Variants in SMARCA4 observed in about 807,000 individuals in gnomAD.
The protein encoded by SMARCA4 is SWI/SNF-related matrix-associated actin-dependent regulator of chromatin subfamily A member 4.
In SMARCA4, 31 loss-of-function variants were observed where a neutral mutation model predicts 193.9. The observed-to-expected ratio is 0.16, with a 90% CI of 0.12 to 0.22. The LOEUF is 0.22. Among genes scored for constraint, SMARCA4 ranks in the 10% least tolerant of loss-of-function variants. The pLI is 1.00. For synonymous variants in SMARCA4, 942 were observed against 933.1 expected, an observed-to-expected ratio of 1.01 and a Z score of -0.17; for missense variants, 1,148 against 2,296.0, an observed-to-expected ratio of 0.50 and a Z score of 10.22.
At chr19:10,968,805 A>T (rs917705094) in intron 1 of SMARCA4, among the ~76,000 whole-genome samples, 1 of 152,180 alleles carries the variant, frequency 6.6e-6, no homozygotes, top group African/African-American at 2.4e-5. Flanking sequence ...CGAAAGTCCC[A>T]GTAAAGGGGC....
intron 14 of SMARCA4, 140 bp downstream of exon 14, chr19:11,008,163 T>G: frequency 1.3e-6 from 1 of 784,556 alleles, no homozygotes; most frequent in Non-Finnish European, 2.2e-6. Context: ...AGAGACCAAA[T>G]TTATTTACTT....
intron 13 of SMARCA4, among the ~76,000 whole-genome samples, chr19:11,007,217 G>T (rs1301208702): frequency 6.6e-6 from 1 of 151,720 alleles, no homozygotes; most frequent in African/African-American, 2.4e-5. Context: ...GGATCACGAG[G>T]TCAGGAGTTC....
In SMARCA4 at chr19:10,995,247, A is replaced by G. The variant is rs1338211576; in HGVS notation, c.1593+246A>G. On this transcript the variant is annotated intron_variant, in intron 9 of 34. Coordinates refer to ENST00000344626, the MANE Select transcript of SMARCA4 (RefSeq NM_003072.5). ...GCCGGCTCCTCTGCCTTCTCTGGAAAATGGAGGTGGTGCCCCCTTCCCTCG... is the reference window on the plus strand; with the variant it reads ...GCCGGCTCCTCTGCCTTCTCTGGAAGATGGAGGTGGTGCCCCCTTCCCTCG... 9.3e-6 allele frequency: 6 copies of G among 643,222 alleles called. No individual in the cohort carries two copies. The East Asian group carries it at 1.9e-4, about 20-fold the overall frequency. The allele number at this position is 643,222 out of a possible 1,614,324, so 39.8% of individuals were successfully genotyped here. A position where few individuals can be genotyped will look rare whatever the true frequency, so the allele number is the denominator to read the frequency against.
At chr19:11,057,101 C>T (rs1452580587) in intron 30 of SMARCA4, among the ~76,000 whole-genome samples, 1 of 152,248 alleles carries the variant, frequency 6.6e-6, no homozygotes, top group Non-Finnish European at 1.5e-5. Flanking sequence ...CCGTTGGCCA[C>T]TTTTAGGCTT....
At chr19:10,989,563 C>T (rs954274115) in intron 7 of SMARCA4, 120 bp downstream of exon 7, 23 of 1,180,292 alleles carry the variant, frequency 1.9e-5, no homozygotes, top group Admixed American at 3.8e-5. Context: ...GAAAAGCAGC[C>T]GTGGCCATCC....
At chr19:11,032,857 T>C (rs1255700155) in intron 25 of SMARCA4, among the ~76,000 whole-genome samples, 1 of 152,156 alleles carries the variant, frequency 6.6e-6, no homozygotes, top group Non-Finnish European at 1.5e-5. Flanking sequence ...CGGTTCTGTG[T>C]GCACTGTGAG....
intron 24 of SMARCA4, 123 bp downstream of exon 24, chr19:11,028,073 C>T (rs553189355): frequency 3.9e-6 from 4 of 1,032,194 alleles, no homozygotes; most frequent in East Asian, 4.7e-5. Context: ...GTCCAGTGGC[C>T]AGAGTGGGCC....
chr19:11,040,085 C>T (rs889299363), intron 29 of SMARCA4: 1 of 150,554 alleles, frequency 6.6e-6, no homozygotes, highest in Non-Finnish European at 1.5e-5. Context: ...GTCTCAACAA[C>T]AACAAAAAAG....
chr19:10,991,352 A>T (rs2145884479), intron 8 of SMARCA4, 29 bp downstream of exon 8: 1 of 1,565,026 alleles, frequency 6.4e-7, no homozygotes, highest in Non-Finnish European at 8.7e-7. Context: ...AAGGCCCTGC[A>T]GCCCGCCCAC....
At chr19:10,977,552 C>G (rs2085241501) in intron 1 of SMARCA4, 1 of 152,164 alleles carries the variant, frequency 6.6e-6, no homozygotes, top group African/African-American at 2.4e-5. Flanking sequence ...TTGAACTTCT[C>G]ACCTCAAGTG....
At chr19:11,018,292 G>GT (rs2146347220) in intron 16 of SMARCA4, 1 of 169,368 alleles carries the variant, frequency 5.9e-6, no homozygotes, top group South Asian at 1.4e-4. Context: ...CTTTATTACC[G>GT]CCTCCACCCT....
chr19:11,013,047 G>A lies in SMARCA4; in HGVS notation c.2373G>A (p.Ala791=), dbSNP rs995214932. ...MGLGKTIQTI[A]LITYLMEHKR... is the part of the protein sequence containing the mutation. ...TGGGGAAGACCATCCAGACCATCGC[G>A]CTCATCACGTACCTCATGGAGCACA... is the stretch of plus-strand genomic sequence containing the variant. Residue 791 remains alanine (A), a synonymous_variant, in exon 16 of 35, where the codon GCG becomes GCA. Coordinates refer to ENST00000344626, the MANE Select transcript of SMARCA4 (RefSeq NM_003072.5). 10 of 1,614,000 alleles carry A rather than the reference G, an allele frequency of 6.2e-6. No individual in the cohort carries two copies. The highest frequency in any genetic ancestry group is 2.7e-5 in the African/African-American group (2 of 74,902).
rs983498495 is a variant in SMARCA4 at position 11,030,662 on chromosome 19, G to A, written c.3383-68G>A. On this transcript the variant is annotated intron_variant, in intron 24 of 34. Coordinates refer to ENST00000344626, the MANE Select transcript of SMARCA4 (RefSeq NM_003072.5). This position sits in a 1 kb window ranked among gnomAD's most constrained non-coding sequence, Gnocchi z 5.5. Reference sequence around the variant, plus strand: ...CCTGCTCCTGCTCTCAGAAGCAGGTGTTCCTTGGTGTCCCCACTCTACCCC... The same window carrying A: ...CCTGCTCCTGCTCTCAGAAGCAGGTATTCCTTGGTGTCCCCACTCTACCCC... The A allele has an allele frequency of 6.3e-6, 9 of 1,436,536 alleles. No individual in the cohort carries two copies. The highest frequency in any genetic ancestry group is 4.8e-5 in the East Asian group (2 of 42,052). 89.0% of individuals were successfully genotyped at this position (1,436,536 alleles called of 1,614,324 possible). A position where few individuals can be genotyped will look rare whatever the true frequency, so the allele number is the denominator to read the frequency against.
In SMARCA4 at chr19:10,984,764, C is replaced by G. The variant is rs1042329979; in HGVS notation, c.222+391C>G. On this transcript the variant is annotated intron_variant, in intron 2 of 34. Coordinates refer to ENST00000344626, the MANE Select transcript of SMARCA4 (RefSeq NM_003072.5). The surrounding 1 kb of genome is among the most constrained non-coding windows in gnomAD (Gnocchi z 4.3). The stretch of plus-strand genomic sequence containing the variant: ...GGCTCACCTGTGCAGCTCGCAGAGC[C>G]GAGCAGCGGGTTCCCTTTCCTCCAA... Among the ~76,000 whole-genome samples the G allele has an allele frequency of 6.6e-6, 1 of 152,254 alleles. No individual in the cohort carries two copies. Among genetic ancestry groups the G allele is most frequent in the African/African-American group, 2.4e-5 (1 of 41,470 alleles).
Position 10,996,667 on chromosome 19 carries a change from C to T in SMARCA4, c.1812+123C>T, listed in dbSNP as rs1234395828. On this transcript the variant is annotated intron_variant, in intron 11 of 34. Coordinates refer to ENST00000344626, the MANE Select transcript of SMARCA4 (RefSeq NM_003072.5). ...ATGATATGTGATGATGGTGAGAATC[C>T]CAGGGTGTCCTCTGACGCCCATCCC... The T allele has an allele frequency of 6.2e-6, 6 of 970,166 alleles. No individual in the cohort carries two copies. In the East Asian group the frequency reaches 7.4e-5, roughly 12 times the overall value. 60.1% of individuals were successfully genotyped at this position (970,166 alleles called of 1,614,324 possible).
At chr19:11,015,528 A>C in intron 16 of SMARCA4, among the ~76,000 whole-genome samples, 1 of 152,142 alleles carries the variant, frequency 6.6e-6, no homozygotes, top group Non-Finnish European at 1.5e-5. Flanking sequence ...GTCTCGGGCA[A>C]GGTGCCTGCT....
At chr19:11,032,752 G>T (rs771531051) in intron 25 of SMARCA4, 53 of 201,844 alleles carry the variant, frequency 2.6e-4, no homozygotes, top group Non-Finnish European at 4.5e-4. Flanking sequence ...CACACTCCTG[G>T]TGCTTATTCA....
At position 11,061,805 on chromosome 19, in the gene SMARCA4, G is replaced by A. The variant is rs1261182514; in HGVS notation, c.4933G>A (p.Glu1645Lys). ...CCAGGACCGCTCAGGAAGTGGCAGC[G>A]AAGAAGACTGAGCCCCGACATTCCA... is the stretch of plus-strand genomic sequence containing the variant. ...QEEDRSGSGS[E>K]ED Residue 1645 changes from glutamate to lysine, a missense_variant, in exon 35 of 35, where the codon GAA becomes AAA. By Grantham distance (56) the Glu-to-Lys change is moderately conservative. Transcript: ENST00000344626. 1.2e-6 allele frequency: 2 copies of A among 1,613,992 alleles called. No homozygotes were observed. The highest frequency in any genetic ancestry group is 1.7e-6 in the Non-Finnish European group (2 of 1,180,006).
intron 1 of SMARCA4, among the ~76,000 whole-genome samples, chr19:10,978,247 A>G (rs1233265866): frequency 6.6e-6 from 1 of 152,180 alleles, no homozygotes; most frequent in African/African-American, 2.4e-5. Context: ...GTAGACGAGG[A>G]TTTCTTAAAT....
Sources: allele counts gnomAD v4.1 joint callset (sites outside exome capture counted in the v4.1 genomes callset), GRCh38; gene constraint gnomAD v4.1.1; non-coding constraint Gnocchi (gnomAD v3.1); transcripts MANE v1.5; gene names NCBI Gene and HGNC (gene_info 2026-07-23, HGNC 2026-07-21).